GLS: variants seen among roughly 807,000 people sequenced by gnomAD.
The protein encoded by GLS is glutaminase.
GLS carries 36 observed loss-of-function variants against 86.7 expected under a neutral mutation model. The observed-to-expected ratio is 0.42, with a 90% CI of 0.32 to 0.55. The LOEUF is 0.55. Ranked by LOEUF, GLS falls within the 20% of genes least tolerant of loss-of-function variation. The pLI is 0.17. For synonymous variants in GLS, 317 were observed against 305.9 expected, an observed-to-expected ratio of 1.04 and a Z score of -0.38; for missense variants, 528 against 833.4, an observed-to-expected ratio of 0.63 and a Z score of 4.51.
At position 190,954,176 on chromosome 2, in the gene GLS, G is replaced by T. The variant is rs552429224; in HGVS notation, c.1713-408G>T. Among the ~76,000 whole-genome samples the T allele has an allele frequency of 2.0e-5, 3 of 150,860 alleles. No individual in the cohort carries two copies. The South Asian group carries it at 6.3e-4, about 32-fold the overall frequency. On this transcript the variant is annotated intron_variant, in intron 15 of 17. Transcript: ENST00000320717. This position sits in a 1 kb window ranked among gnomAD's most constrained non-coding sequence, Gnocchi z 4.0. ...TGTCTGTGCTTCCCCCCCTTGTTTT[G>T]AAGTCTGACAAGTACTAGTAGACTG...
At chr2:190,892,351 C>G (rs114526990) in intron 1 of GLS, among the ~76,000 whole-genome samples, 1,967 of 152,132 alleles carry the variant, frequency 0.013, 21 homozygotes, top group Middle Eastern at 0.034. Flanking sequence ...CTGTTATATC[C>G]TATTTGAATT....
chr2:190,901,312 A>G (rs1688931799), intron 4 of GLS, among the ~76,000 whole-genome samples: 1 of 152,082 alleles, frequency 6.6e-6, no homozygotes, highest in African/African-American at 2.4e-5. Flanking sequence ...AAGAGGATAA[A>G]AAATGGTATT....
At chr2:190,910,172 G>A (rs1689307782) in intron 6 of GLS, 91 bp from the exon 7 acceptor site, 1 of 751,250 alleles carries the variant, frequency 1.3e-6, no homozygotes, top group African/African-American at 1.8e-5. Context: ...GAGTACGTTA[G>A]CTGTGCTTTT....
chr2:190,933,848 A>G, intron 14 of GLS: 1 of 786,582 alleles, frequency 1.3e-6, no homozygotes, highest in Non-Finnish European at 1.5e-6. Context: ...TTTTTAGAGT[A>G]CTTGAGAAAT....
At chr2:190,893,630 C>G (rs113780793) in intron 1 of GLS, among the ~76,000 whole-genome samples, 10,501 of 152,132 alleles carry the variant, frequency 0.069, 1,168 homozygotes, top group African/African-American at 0.24. Flanking sequence ...CTGTTACCCA[C>G]TCTGGAGTGT....
rs549278492 is a variant in GLS at position 190,956,614 on chromosome 2, G to A, written c.1853+1796G>A. On this transcript the variant is annotated intron_variant, in intron 17 of 17. Transcript: ENST00000320717. This position sits in a 1 kb window ranked among gnomAD's most constrained non-coding sequence, Gnocchi z 4.2. ...TTTTTTGGTTATATATGAAATTTAA[G>A]GTATTTTTTTTCTAATTCTGTGAAG... Among the ~76,000 whole-genome samples the A allele has an allele frequency of 6.6e-6, 1 of 152,114 alleles. No homozygotes were observed. The highest frequency in any genetic ancestry group is 6.5e-5 in the Admixed American group (1 of 15,284).
chr2:190,900,448 GT>G, intron 3 of GLS, 115 bp from the exon 4 acceptor site: 1 of 491,398 alleles, frequency 2.0e-6, no homozygotes, highest in Non-Finnish European at 3.5e-6. Flanking sequence ...GAATTTAGTT[GT>G]ATAAAATGAT....
At chr2:190,928,268 TATTAA>T (rs1011533856) in intron 12 of GLS, among the ~76,000 whole-genome samples, 9 of 151,874 alleles carry the variant, frequency 5.9e-5, no homozygotes, top group African/African-American at 2.2e-4. Flanking sequence ...TTAATATCAA[TATTAA>T]ATTGAATATC....
chr2:190,912,346 CTTTTT>C (rs34419675), intron 7 of GLS, among the ~76,000 whole-genome samples: 13 of 122,518 alleles, frequency 1.1e-4, no homozygotes, highest in Non-Finnish European at 1.7e-4. Context: ...TTCACAAGTG[CTTTTT>C]TTTTTTTTTT....
rs1024318918 is a variant in GLS at position 190,956,169 on chromosome 2, T to C, written c.1853+1351T>C. Among the ~76,000 whole-genome samples the C allele has an allele frequency of 6.6e-6, 1 of 152,220 alleles. No individual in the cohort carries two copies. Among genetic ancestry groups the C allele is most frequent in the African/African-American group, 2.4e-5 (1 of 41,458 alleles). ...TTTTGGCTTTTGTTGCCATTGCTTTTGGTGTTTTGGTCATGAAGTCTTTGC... is the reference window on the plus strand; with the variant it reads ...TTTTGGCTTTTGTTGCCATTGCTTTCGGTGTTTTGGTCATGAAGTCTTTGC... On this transcript the variant is annotated intron_variant, in intron 17 of 17. Coordinates refer to ENST00000320717, the MANE Select transcript of GLS (RefSeq NM_014905.5). The surrounding 1 kb of genome is among the most constrained non-coding windows in gnomAD (Gnocchi z 4.2).
chr2:190,901,812 C>CT (rs1243983573), intron 4 of GLS, 135 bp from the exon 5 acceptor site: 1 of 633,338 alleles, frequency 1.6e-6, no homozygotes, highest in African/African-American at 1.8e-5. Context: ...AGAAGATAGA[C>CT]TATGAAGCCA....
Position 190,954,967 on chromosome 2 carries a change from A to G in GLS, c.1853+149A>G, listed in dbSNP as rs1257275355. 1 of 604,398 alleles carries G rather than the reference A, an allele frequency of 1.7e-6. No homozygotes were observed. Among genetic ancestry groups the G allele is most frequent in the Non-Finnish European group, 2.9e-6 (1 of 346,862 alleles). 37.4% of individuals were successfully genotyped at this position (604,398 alleles called of 1,614,324 possible). On this transcript the variant is annotated intron_variant, in intron 17 of 17. Transcript: ENST00000320717. The surrounding 1 kb of genome is among the most constrained non-coding windows in gnomAD (Gnocchi z 4.0). ...GCAATAAACCTTGTTTCTACTAGATAGGTAATTCTGTCTCCCATATCCTGT... is the reference window on the plus strand; with the variant it reads ...GCAATAAACCTTGTTTCTACTAGATGGGTAATTCTGTCTCCCATATCCTGT...
At chr2:190,952,758 AG>A (rs1690749164) in intron 14 of GLS, among the ~76,000 whole-genome samples, 1 of 152,220 alleles carries the variant, frequency 6.6e-6, no homozygotes, top group Non-Finnish European at 1.5e-5. Context: ...GAATTTATGA[AG>A]TATTTACAAA....
At chr2:190,912,183 A>G (rs1689383402) in intron 7 of GLS, among the ~76,000 whole-genome samples, 1 of 152,124 alleles carries the variant, frequency 6.6e-6, no homozygotes, top group South Asian at 2.1e-4. Flanking sequence ...CAACAGTGCA[A>G]AAATTTAATT....
chr2:190,894,355 A>AT (rs917546403), intron 1 of GLS, among the ~76,000 whole-genome samples: 3 of 149,828 alleles, frequency 2.0e-5, no homozygotes, highest in African/African-American at 7.3e-5. Flanking sequence ...ACGTTTTTTT[A>AT]TTTTTTTTCT....
chr2:190,924,515 T>G lies in GLS; in HGVS notation c.1198-28T>G. The G allele has an allele frequency of 7.0e-7, 1 of 1,432,584 alleles. No homozygotes were observed. 88.7% of individuals were successfully genotyped at this position (1,432,584 alleles called of 1,614,324 possible). A position where few individuals can be genotyped will look rare whatever the true frequency, so the allele number is the denominator to read the frequency against. On this transcript the variant is annotated intron_variant, in intron 10 of 17. Transcript: ENST00000320717. This position sits in a 1 kb window ranked among gnomAD's most constrained non-coding sequence, Gnocchi z 5.2. ...TTATGTGCATTCCTGTGTGCCTGAA[T>G]TTTTAATTGCCTTTCTGGTTTTTTT...
At chr2:190,926,149 G>A (rs539047743) in intron 11 of GLS, among the ~76,000 whole-genome samples, 10 of 152,254 alleles carry the variant, frequency 6.6e-5, no homozygotes, top group Admixed American at 5.9e-4. Flanking sequence ...GAGAGTACCC[G>A]AGTTGGCATT....
At chr2:190,927,242 T>G in intron 11 of GLS, 64 bp from the exon 12 acceptor site, 2 of 1,153,494 alleles carry the variant, frequency 1.7e-6, no homozygotes, top group South Asian at 3.1e-5. Flanking sequence ...ATAAAATAGA[T>G]TATCTTAAAA....
intron 5 of GLS, 33 bp downstream of exon 5, chr2:190,902,059 C>CT (rs1688961643): frequency 7.9e-7 from 1 of 1,265,212 alleles, no homozygotes; most frequent in Non-Finnish European, 1.2e-6. Context: ...AAAACCAACT[C>CT]TAAGCCTTAA....
Sources: gnomAD v4.1 joint callset for allele counts (sites outside exome capture counted in the v4.1 genomes callset) on GRCh38, gnomAD v4.1.1 for gene constraint, Gnocchi (gnomAD v3.1) non-coding constraint, MANE v1.5 for transcripts, NCBI Gene and HGNC (gene_info 2026-07-23, HGNC 2026-07-21) for gene names.